Variants in ORC4 observed in about 807,000 individuals in gnomAD.
ORC4 encodes the protein origin recognition complex subunit 4, also known as origin recognition complex, subunit 4 homolog.
A neutral mutation model predicts 63.9 loss-of-function variants in ORC4; 55 were observed. That is an observed-to-expected ratio of 0.86 (90% CI 0.69 to 1.08). The LOEUF (loss-of-function observed/expected upper bound fraction) is 1.08. Ranked by LOEUF, ORC4 falls within the 50% of genes least tolerant of loss-of-function variation. The probability of loss-of-function intolerance (pLI) is 0.00; values close to 1 mark genes in which losing one functional copy is unlikely to be tolerated. For synonymous variants in ORC4, 150 were observed against 168.5 expected (o/e 0.89, Z 0.85); for missense variants, 511 against 504.4 (o/e 1.01, Z -0.13).
chr2:147,986,794 C>CACACACACACACACACAT (rs1209992129), intron 1 of ORC4, among the ~76,000 whole-genome samples: 2 of 151,206 alleles, frequency 1.3e-5, no homozygotes, highest in African/African-American at 4.9e-5. Context: ...CACACATACA[C>CACACACACACACACACAT]ACACACACAC....
chr2:148,016,625 C>T (rs1693308849), intron 1 of ORC4, among the ~76,000 whole-genome samples: 1 of 152,186 alleles, frequency 6.6e-6, no homozygotes, highest in African/African-American at 2.4e-5. Flanking sequence ...GAAAATGCTT[C>T]CACAACCAGC....
intron 1 of ORC4, among the ~76,000 whole-genome samples, chr2:148,003,894 A>T (rs896354131): frequency 6.6e-6 from 1 of 152,248 alleles, no homozygotes; most frequent in Admixed American, 6.5e-5. Flanking sequence ...TTGAGCTGAT[A>T]AGCAATTTCA....
At chr2:147,947,982 A>G in intron 9 of ORC4, 69 bp downstream of exon 9, 1 of 1,255,894 alleles carries the variant, frequency 8.0e-7, no homozygotes, top group South Asian at 1.2e-5. Context: ...ACTAATTTCT[A>G]AAATTTGTGT....
At chr2:147,952,293 A>G in intron 8 of ORC4, 80 bp downstream of exon 8, 2 of 1,078,002 alleles carry the variant, frequency 1.9e-6, no homozygotes, top group Non-Finnish European at 2.7e-6. Flanking sequence ...TAAATAAGTG[A>G]AAAAAACTAG....
At chr2:148,006,124 C>T (rs575363678) in intron 1 of ORC4, among the ~76,000 whole-genome samples, 60 of 152,294 alleles carry the variant, frequency 3.9e-4, no homozygotes, top group African/African-American at 1.4e-3. Flanking sequence ...CACCAACCCT[C>T]CTCCAACCCC....
chr2:147,935,584 T>A lies in ORC4; in HGVS notation c.1237A>T (p.Asn413Tyr). The A allele has an allele frequency of 6.2e-7, 1 of 1,613,830 alleles. No homozygotes were observed. Among genetic ancestry groups the A allele is most frequent in the Non-Finnish European group, 8.5e-7 (1 of 1,179,762 alleles). ...KLLLDNTQIM[N>Y]ALQKYPNCPT... The stretch of plus-strand genomic sequence containing the variant: ...CAGTTGGGATATTTCTGCAGAGCAT[T>A]CATAATTTGAGTATTATCCAAAAGC... Residue 413 changes from asparagine to tyrosine, a missense_variant, in exon 14 of 14, where the codon AAT becomes TAT. By Grantham distance (143) the Asn-to-Tyr change is moderately radical. Coordinates refer to ENST00000392857, the MANE Select transcript of ORC4 (RefSeq NM_181741.4).
At chr2:147,938,628 G>C (rs1688193856) in intron 11 of ORC4, 1 of 473,228 alleles carries the variant, frequency 2.1e-6, no homozygotes, top group South Asian at 2.3e-5. Flanking sequence ...TTTTAGAAAT[G>C]TCACAAAGAT....
chr2:148,002,721 A>G (rs143777082), intron 1 of ORC4, among the ~76,000 whole-genome samples: 1,946 of 152,234 alleles, frequency 0.013, 48 homozygotes, highest in African/African-American at 0.044. Flanking sequence ...GCAAGAGCAA[A>G]CAAATTCAAA....
intron 11 of ORC4, 144 bp downstream of exon 11, chr2:147,938,996 A>G: frequency 1.6e-6 from 1 of 619,902 alleles, no homozygotes; most frequent in Non-Finnish European, 2.9e-6. Flanking sequence ...TAGTACCTTT[A>G]AAAGGACTAA....
intron 1 of ORC4, among the ~76,000 whole-genome samples, chr2:148,011,697 T>C (rs1027814299): frequency 2.6e-5 from 4 of 152,156 alleles, no homozygotes; most frequent in Admixed American, 6.5e-5. Flanking sequence ...TTGCAGCTCA[T>C]GTGATCTTAT....
intron 4 of ORC4, among the ~76,000 whole-genome samples, chr2:147,967,439 A>C (rs1689956333): frequency 6.6e-6 from 1 of 152,014 alleles, no homozygotes; most frequent in Admixed American, 6.6e-5. Flanking sequence ...AATTTCAGTA[A>C]AGTTGAAGGC....
At chr2:147,957,348 T>G (rs17225486) in intron 6 of ORC4, among the ~76,000 whole-genome samples, 1,919 of 151,426 alleles carry the variant, frequency 0.013, 46 homozygotes, top group African/African-American at 0.044. Flanking sequence ...TATGGCGGTG[T>G]CATTGCAGCA....
At chr2:147,986,266 CA>C (rs1346107616) in intron 1 of ORC4, among the ~76,000 whole-genome samples, 2 of 152,010 alleles carry the variant, frequency 1.3e-5, no homozygotes, top group African/African-American at 4.8e-5. Context: ...AACTGTTAAA[CA>C]GAAATACTTT....
In ORC4 at chr2:147,935,235, A is replaced by T. The variant is rs111856332; in HGVS notation, c.*275T>A. On this transcript the variant is annotated 3_prime_UTR_variant, in exon 14 of 14. Transcript: ENST00000392857. ...GCTCTTCAAATAGACCATTATATAT[A>T]TAAGTGTTAAAAAAGCACATGGTCT... is the stretch of plus-strand genomic sequence containing the variant. 2 of 436,996 alleles carry T rather than the reference A, an allele frequency of 4.6e-6. No individual in the cohort carries two copies. Among genetic ancestry groups the T allele is most frequent in the Non-Finnish European group, 8.5e-6 (2 of 236,326 alleles). 27.1% of individuals were successfully genotyped at this position (436,996 alleles called of 1,614,324 possible). A position where few individuals can be genotyped will look rare whatever the true frequency, so the allele number is the denominator to read the frequency against.
At chr2:148,013,180 CCTAA>C (rs1206418040) in intron 1 of ORC4, among the ~76,000 whole-genome samples, 9 of 152,090 alleles carry the variant, frequency 5.9e-5, no homozygotes, top group South Asian at 2.1e-4. Flanking sequence ...ATGGAATCAA[CCTAA>C]CTGTCAATCA....
chr2:148,018,470 C>T (rs756718843), intron 1 of ORC4, among the ~76,000 whole-genome samples: 2 of 152,146 alleles, frequency 1.3e-5, no homozygotes, highest in African/African-American at 2.4e-5. Context: ...TGTACAAGAA[C>T]ATTCATAATA....
chr2:147,931,691 G>C lies in ORC4; in HGVS notation c.*3819C>G, dbSNP rs546220757. 26 of 152,146 alleles carry C rather than the reference G, an allele frequency of 1.7e-4. No individual in the cohort carries two copies. Among genetic ancestry groups the C allele is most frequent in the African/African-American group, 6.0e-4 (25 of 41,518 alleles). The allele number at this position is 152,146 out of a possible 1,614,324, so 9.4% of individuals were successfully genotyped here. A position where few individuals can be genotyped will look rare whatever the true frequency, so the allele number is the denominator to read the frequency against. On this transcript the variant is annotated 3_prime_UTR_variant, in exon 14 of 14. Transcript: ENST00000392857. ...GAATGTAATCCAGCATATAAACAGAGCCAAAGACAAAAAACACATGATTAT... is the reference window on the plus strand; with the variant it reads ...GAATGTAATCCAGCATATAAACAGACCCAAAGACAAAAAACACATGATTAT...
At chr2:148,009,946 A>G (rs75696215) in intron 1 of ORC4, among the ~76,000 whole-genome samples, 148 of 152,340 alleles carry the variant, frequency 9.7e-4, no homozygotes, top group Middle Eastern at 3.4e-3. Flanking sequence ...GCATGCAAAC[A>G]GAAATCCAAA....
chr2:147,960,185 T>C, intron 4 of ORC4: 1 of 815,086 alleles, frequency 1.2e-6, no homozygotes, highest in African/African-American at 1.9e-5. Flanking sequence ...CCTTCCATTT[T>C]ATATATGCAT....
Sources: gnomAD v4.1 joint callset for allele counts (sites outside exome capture counted in the v4.1 genomes callset) on GRCh38, gnomAD v4.1.1 for gene constraint, MANE v1.5 for transcripts, NCBI Gene and HGNC (gene_info 2026-07-23, HGNC 2026-07-21) for gene names.